Variants in CPAMD8 observed in about 807,000 individuals in gnomAD.
The protein encoded by CPAMD8 is C3 and PZP like alpha-2-macroglobulin domain containing 8, also known as C3 and PZP-like alpha-2-macroglobulin domain-containing protein 8.
Under a neutral mutation model 224.7 loss-of-function variants are expected in CPAMD8, and 146 were observed. That is an observed-to-expected ratio of 0.65 (90% CI 0.57 to 0.75). CPAMD8 has a LOEUF of 0.75. Among genes scored for constraint, CPAMD8 ranks in the 30% least tolerant of loss-of-function variants. The pLI is 0.00. For synonymous variants in CPAMD8, 966 were observed against 1,044.6 expected (o/e 0.92, Z 1.45); for missense variants, 2,301 against 2,537.5 (o/e 0.91, Z 2.00).
At chr19:16,945,435 G>T in intron 22 of CPAMD8, 114 bp downstream of exon 22, 1 of 1,428,524 alleles carries the variant, frequency 7.0e-7, no homozygotes, top group Non-Finnish European at 9.4e-7. Context: ...CACAACCCGT[G>T]AAGGCTGCCC....
chr19:16,899,105 G>A lies in CPAMD8; in HGVS notation c.4848+370C>T, dbSNP rs561162280. On this transcript the variant is annotated intron_variant, in intron 37 of 41. Coordinates refer to ENST00000443236, the MANE Select transcript of CPAMD8 (RefSeq NM_015692.5). The surrounding 1 kb of genome is among the most constrained non-coding windows in gnomAD (Gnocchi z 5.4). The stretch of plus-strand genomic sequence containing the variant: ...CTGGCTAATTTTTGTGTTTTTTGTA[G>A]AGACAGGGTTCTGTCATGTTGGCCA... Among the ~76,000 whole-genome samples, 2 of 152,168 alleles carry A rather than the reference G, an allele frequency of 1.3e-5. No homozygotes were observed. The highest frequency in any genetic ancestry group is 4.8e-5 in the African/African-American group (2 of 41,506).
intron 32 of CPAMD8, 25 bp downstream of exon 32, chr19:16,904,201 C>G (rs982374030): frequency 6.7e-7 from 1 of 1,491,500 alleles, no homozygotes; most frequent in Non-Finnish European, 9.2e-7. Context: ...CCCTGAGCCC[C>G]TCCCTCTGGC....
intron 9 of CPAMD8, among the ~76,000 whole-genome samples, chr19:17,001,248 G>A (rs573603845): frequency 6.0e-5 from 9 of 150,928 alleles, no homozygotes; most frequent in African/African-American, 1.2e-4. Context: ...AATTGAGCCC[G>A]GTAGGCAGAG....
intron 19 of CPAMD8, 76 bp from the exon 20 acceptor site, chr19:16,952,276 G>A: frequency 1.2e-6 from 1 of 830,488 alleles, no homozygotes; most frequent in African/African-American, 1.7e-5. Flanking sequence ...GGGCATGGAT[G>A]ACCCAGGCTG....
intron 14 of CPAMD8, among the ~76,000 whole-genome samples, chr19:16,978,793 C>G (rs2122737092): frequency 6.6e-6 from 1 of 152,138 alleles, no homozygotes; most frequent in East Asian, 1.9e-4. Flanking sequence ...ATCCATCCAT[C>G]CATCTCTTCA....
chr19:16,977,623 T>G, intron 14 of CPAMD8, 83 bp from the exon 15 acceptor site: 2 of 1,066,064 alleles, frequency 1.9e-6, no homozygotes, highest in Non-Finnish European at 2.7e-6. Flanking sequence ...TGCCCCAATT[T>G]GCCCTGCGCT....
At position 17,002,905 on chromosome 19, in the gene CPAMD8, C is replaced by CTTTTT. The variant is rs376741138; in HGVS notation, c.674-556_674-555insAAAAA. 1.3e-4 allele frequency among the ~76,000 whole-genome samples: 17 copies of CTTTTT among 133,438 alleles called. 1 individual carries two copies. The highest frequency in any genetic ancestry group is 2.3e-4 in the South Asian group (1 of 4,376). 87.5% of individuals were successfully genotyped at this position (133,438 alleles called of 152,430 possible). ...TTCGTTCTTTCTTTTCTTTTCTTTT[C>CTTTTT]TTTTCTTTTTTTTTTTGAGACAGAT... is the stretch of plus-strand genomic sequence containing the variant. On this transcript the variant is annotated intron_variant, in intron 8 of 41. Coordinates refer to ENST00000443236, the MANE Select transcript of CPAMD8 (RefSeq NM_015692.5).
At chr19:16,965,377 C>A (rs530449242) in intron 18 of CPAMD8, among the ~76,000 whole-genome samples, 1 of 152,090 alleles carries the variant, frequency 6.6e-6, no homozygotes, top group African/African-American at 2.4e-5. Context: ...AAACCCACAG[C>A]CAATATCATA....
chr19:16,915,815 G>A (rs565745658), intron 27 of CPAMD8, among the ~76,000 whole-genome samples: 2 of 134,286 alleles, frequency 1.5e-5, no homozygotes, highest in East Asian at 4.7e-4. Context: ...CTGCCCGCCT[G>A]CCCGCCTGCC....
At chr19:16,973,192 TTTTG>T (rs1420564052) in intron 17 of CPAMD8, among the ~76,000 whole-genome samples, 10 of 152,032 alleles carry the variant, frequency 6.6e-5, no homozygotes, top group Admixed American at 3.9e-4. Flanking sequence ...TAAGAGATTT[TTTTG>T]TTTGTTTGTT....
At chr19:16,970,808 T>C (rs1422488910) in intron 18 of CPAMD8, 83 bp downstream of exon 18, 8 of 1,309,128 alleles carry the variant, frequency 6.1e-6, no homozygotes, top group African/African-American at 6.0e-5. Context: ...TCTTCTGTTA[T>C]AGCAGCCAGG....
At chr19:16,958,583 T>C (rs1444311056) in intron 18 of CPAMD8, among the ~76,000 whole-genome samples, 1 of 152,172 alleles carries the variant, frequency 6.6e-6, no homozygotes, top group Non-Finnish European at 1.5e-5. Context: ...AGTGAACATT[T>C]GTGTGCATGG....
chr19:16,906,403 T>TTCC (rs1568459868), intron 30 of CPAMD8, among the ~76,000 whole-genome samples: 94 of 79,746 alleles, frequency 1.2e-3, no homozygotes, highest in African/African-American at 4.0e-3. Context: ...TCTTTCTTTC[T>TTCC]TTCTTTCCTT....
At chr19:17,011,328 G>C (rs868079322) in intron 5 of CPAMD8, 136 bp downstream of exon 5, 1 of 1,000,130 alleles carries the variant, frequency 1.0e-6, no homozygotes, top group African/African-American at 1.6e-5. Context: ...GGGGTTCTCC[G>C]GGGGACATGA....
At chr19:16,940,691 G>C (rs1303113435) in intron 22 of CPAMD8, among the ~76,000 whole-genome samples, 1 of 152,154 alleles carries the variant, frequency 6.6e-6, no homozygotes, top group African/African-American at 2.4e-5. Flanking sequence ...CAGGGTTGGT[G>C]CTGAGAGGCT....
Position 16,947,126 on chromosome 19 carries a change from C to A in CPAMD8, c.2610G>T (p.Glu870Asp). ...TGAAGGACAGAACGACCCAGATGGG[C>A]TCAGCCTCCCCGGGGGCCACACACA... Reference protein sequence around the residue: ...KKMCVAPGEAEPIWVVLSFSD... With the variant: ...KKMCVAPGEADPIWVVLSFSD... The change falls in exon 21 of 42, where the codon GAG becomes GAT. Residue 870 changes from glutamate to aspartate, a missense_variant. Coordinates refer to ENST00000443236, the MANE Select transcript of CPAMD8 (RefSeq NM_015692.5). 1 of 1,613,732 alleles carries A rather than the reference C, an allele frequency of 6.2e-7. No individual in the cohort carries two copies. Among genetic ancestry groups the A allele is most frequent in the Non-Finnish European group, 8.5e-7 (1 of 1,179,766 alleles).
chr19:16,990,860 T>C (rs1275916005), intron 12 of CPAMD8, among the ~76,000 whole-genome samples: 1 of 44,876 alleles, frequency 2.2e-5, no homozygotes, highest in African/African-American at 9.3e-5. Flanking sequence ...CAAAACTCTG[T>C]CTCAAAAAAA....
intron 21 of CPAMD8, among the ~76,000 whole-genome samples, chr19:16,946,716 TG>T (rs1402677940): frequency 6.7e-6 from 1 of 150,352 alleles, no homozygotes; most frequent in East Asian, 1.9e-4. Context: ...TTGTGGTGTG[TG>T]TATGCATGTC....
chr19:16,970,078 CA>C (rs1196166169), intron 18 of CPAMD8, among the ~76,000 whole-genome samples: 2,686 of 129,278 alleles, frequency 0.021, 35 homozygotes, highest in African/African-American at 0.036. Flanking sequence ...ACTAAAAATA[CA>C]AAAAAAAAAA....
Sources: gnomAD v4.1 joint callset for allele counts (sites outside exome capture counted in the v4.1 genomes callset) on GRCh38, gnomAD v4.1.1 for gene constraint, Gnocchi (gnomAD v3.1) non-coding constraint, MANE v1.5 for transcripts, NCBI Gene and HGNC (gene_info 2026-07-23, HGNC 2026-07-21) for gene names.